The following CACNB4 variants were observed in gnomAD, a reference collection of about 807,000 sequenced individuals.
CACNB4 encodes the protein voltage-dependent L-type calcium channel subunit beta-4.
CACNB4 carries 32 observed loss-of-function variants against 71.2 expected under a neutral mutation model. That is an observed-to-expected ratio of 0.45 (90% CI 0.34 to 0.60). The LOEUF is 0.60. CACNB4 is among the 20% of genes least tolerant of loss of function. The pLI is 0.01. For synonymous variants in CACNB4, 231 were observed against 236.9 expected, an observed-to-expected ratio of 0.97 and a Z score of 0.23; for missense variants, 464 against 647.9, an observed-to-expected ratio of 0.72 and a Z score of 3.08.
intron 2 of CACNB4, among the ~76,000 whole-genome samples, chr2:151,903,359 CA>C (rs1216162481): frequency 2.7e-5 from 4 of 148,118 alleles, no homozygotes; most frequent in Admixed American, 2.7e-4. Context: ...ACTAAAAATC[CA>C]AAAAAAAAAT....
At chr2:151,925,723 T>G (rs1578825547) in intron 2 of CACNB4, among the ~76,000 whole-genome samples, 2 of 151,296 alleles carry the variant, frequency 1.3e-5, no homozygotes, top group Non-Finnish European at 1.5e-5. Context: ...GAGGCTAGGG[T>G]GAAATTCCAG....
intron 2 of CACNB4, among the ~76,000 whole-genome samples, chr2:152,009,280 T>G (rs1489387845): frequency 6.6e-6 from 1 of 151,778 alleles, no homozygotes; most frequent in African/African-American, 2.4e-5. Context: ...CACAGAAAAC[T>G]GTCACAGTCA....
chr2:152,065,484 C>T (rs1686264491), intron 2 of CACNB4, among the ~76,000 whole-genome samples: 1 of 152,058 alleles, frequency 6.6e-6, no homozygotes, highest in South Asian at 2.1e-4. Flanking sequence ...CATGGATCAC[C>T]CCCGCCCACT....
chr2:151,954,539 T>C (rs1334822010), intron 2 of CACNB4, among the ~76,000 whole-genome samples: 2 of 152,210 alleles, frequency 1.3e-5, no homozygotes, highest in Non-Finnish European at 2.9e-5. Context: ...TTTGTTTCCA[T>C]TTGGCTTTAG....
intron 2 of CACNB4, among the ~76,000 whole-genome samples, chr2:152,038,466 G>T (rs1393841554): frequency 1.3e-5 from 2 of 152,210 alleles, no homozygotes; most frequent in Non-Finnish European, 2.9e-5. Flanking sequence ...GTTCAGCAGA[G>T]ATGATGAGCA....
chr2:152,072,894 C>T (rs1225927220), intron 2 of CACNB4, among the ~76,000 whole-genome samples: 1 of 151,966 alleles, frequency 6.6e-6, no homozygotes, highest in Non-Finnish European at 1.5e-5. Flanking sequence ...CAGGATCCGC[C>T]CGCCTCGGCC....
intron 2 of CACNB4, among the ~76,000 whole-genome samples, chr2:152,004,564 CACACAT>C (rs1208005415): frequency 4.2e-5 from 6 of 143,148 alleles, no homozygotes; most frequent in African/African-American, 1.1e-4. Context: ...CACACACACA[CACACAT>C]GCTAACAACC....
At chr2:152,039,328 A>G (rs1349699295) in intron 2 of CACNB4, among the ~76,000 whole-genome samples, 1 of 151,746 alleles carries the variant, frequency 6.6e-6, no homozygotes, top group Non-Finnish European at 1.5e-5. Flanking sequence ...GAGGCAGAGA[A>G]CTGCTTGAAC....
chr2:152,003,069 T>C (rs1426066422), intron 2 of CACNB4, among the ~76,000 whole-genome samples: 1 of 152,188 alleles, frequency 6.6e-6, no homozygotes, highest in African/African-American at 2.4e-5. Flanking sequence ...ATGGAAAATA[T>C]AAAGTTTTGC....
intron 2 of CACNB4, among the ~76,000 whole-genome samples, chr2:152,019,866 G>T (rs938404430): frequency 6.6e-6 from 1 of 152,152 alleles, no homozygotes; most frequent in Non-Finnish European, 1.5e-5. Flanking sequence ...ACTGAGACAG[G>T]CAGGAGGACT....
chr2:152,087,777 A>T (rs1687744145), intron 2 of CACNB4, among the ~76,000 whole-genome samples: 1 of 152,050 alleles, frequency 6.6e-6, no homozygotes, highest in Non-Finnish European at 1.5e-5. Context: ...TACTTGGGAG[A>T]CTGAGGCAGC....
intron 2 of CACNB4, among the ~76,000 whole-genome samples, chr2:152,027,206 TTCC>T (rs2105162990): frequency 6.6e-6 from 1 of 152,282 alleles, no homozygotes; most frequent in South Asian, 2.1e-4. Context: ...CCCAGCCACA[TTCC>T]TCCTTTCTTA....
At chr2:151,947,205 C>G (rs1302166424) in intron 2 of CACNB4, among the ~76,000 whole-genome samples, 1 of 152,202 alleles carries the variant, frequency 6.6e-6, no homozygotes, top group Non-Finnish European at 1.5e-5. Flanking sequence ...CAGGGTCACC[C>G]AGGTGAAACA....
At chr2:152,072,697 G>A (rs1351930585) in intron 2 of CACNB4, among the ~76,000 whole-genome samples, 2 of 151,400 alleles carry the variant, frequency 1.3e-5, no homozygotes, top group Admixed American at 6.6e-5. Context: ...TTGGAGTGCA[G>A]TGGCATGGTC....
At chr2:152,052,496 G>A (rs565093164) in intron 2 of CACNB4, among the ~76,000 whole-genome samples, 45 of 152,056 alleles carry the variant, frequency 3.0e-4, no homozygotes, top group African/African-American at 4.6e-4. Flanking sequence ...GTTTTGCCAC[G>A]TTGGCCAGGC....
At chr2:151,930,347 A>G (rs879462067) in intron 2 of CACNB4, among the ~76,000 whole-genome samples, 6 of 152,158 alleles carry the variant, frequency 3.9e-5, no homozygotes, top group Non-Finnish European at 7.4e-5. Context: ...TCTCCTAAAG[A>G]CTTAAAGGGT....
intron 5 of CACNB4, chr2:151,873,957 T>G (rs1023248925): frequency 6.6e-6 from 1 of 151,846 alleles, no homozygotes; most frequent in Non-Finnish European, 1.5e-5. Context: ...TGACAATGAG[T>G]GAGTTATAGT....
chr2:152,083,978 C>T (rs1220220554), intron 2 of CACNB4, among the ~76,000 whole-genome samples: 2 of 152,152 alleles, frequency 1.3e-5, no homozygotes, highest in African/African-American at 4.8e-5. Flanking sequence ...CCACCTCCAC[C>T]ACAAGTACAA....
intron 4 of CACNB4, 42 bp downstream of exon 4, chr2:151,880,758 G>A (rs1167142523): frequency 6.3e-7 from 1 of 1,592,316 alleles, no homozygotes; most frequent in East Asian, 2.3e-5. Flanking sequence ...CCTGGCTTCA[G>A]CTTTTTGGCA....
Sources: allele counts gnomAD v4.1 joint callset (sites outside exome capture counted in the v4.1 genomes callset), GRCh38; gene constraint gnomAD v4.1.1; transcripts MANE v1.5; gene names NCBI Gene and HGNC (gene_info 2026-07-23, HGNC 2026-07-21).